Variants in PGBD2 observed in about 807,000 individuals in gnomAD.
The protein encoded by PGBD2 is piggyBac transposable element-derived protein 2.
A neutral mutation model predicts 8.1 loss-of-function variants in PGBD2; 6 were observed. That is an observed-to-expected ratio of 0.74 (90% CI 0.40 to 1.46). PGBD2 has a LOEUF of 1.46. Among genes scored for constraint, PGBD2 ranks in the 40% most tolerant of loss-of-function variants. PGBD2 has a pLI of 0.02. For missense variants in PGBD2, 802 were observed against 739.0 expected (o/e 1.09, Z -0.99); for synonymous variants, 318 against 272.2 (o/e 1.17, Z -1.66).
rs1207581125 is a variant in PGBD2 at position 248,919,104 on chromosome 1, G to C, written c.*741G>C. On this transcript the variant is annotated 3_prime_UTR_variant, in exon 3 of 3. Transcript: ENST00000329291. ...GTGTTTCAAACAATCCAATTATACTGTTAGTTATTTTAAAATGTGCAATTA... is the reference window on the plus strand; with the variant it reads ...GTGTTTCAAACAATCCAATTATACTCTTAGTTATTTTAAAATGTGCAATTA... The C allele has an allele frequency of 6.0e-6, 1 of 166,884 alleles. No individual in the cohort carries two copies. Among genetic ancestry groups the C allele is most frequent in the Admixed American group, 6.6e-5 (1 of 15,264 alleles). The allele number at this position is 166,884 out of a possible 1,614,324, so 10.3% of individuals were successfully genotyped here.
chr1:248,873,584 G>A, the PGBD2 span, among the ~76,000 whole-genome samples: 3 of 152,222 alleles, frequency 2.0e-5, no homozygotes, highest in African/African-American at 2.4e-5. Flanking sequence ...GCCTTTCTCA[G>A]GCATTGTCCT....
downstream of PGBD2, among the ~76,000 whole-genome samples, chr1:248,921,300 C>T (rs901481124): frequency 6.6e-6 from 1 of 152,182 alleles, no homozygotes; most frequent in African/African-American, 2.4e-5. Flanking sequence ...TTTGATCCAT[C>T]TTGAGTTGAT....
At chr1:248,928,611 A>G in the PGBD2 span, among the ~76,000 whole-genome samples, 12 of 152,208 alleles carry the variant, frequency 7.9e-5, no homozygotes, top group African/African-American at 2.9e-4. Flanking sequence ...GAGAAAAACT[A>G]ATCTGTTCTC....
Position 248,918,337 on chromosome 1 carries a change from T to G in PGBD2, c.1753T>G (p.Cys585Gly). The G allele has an allele frequency of 6.4e-7, 1 of 1,564,910 alleles. No individual in the cohort carries two copies. The highest frequency in any genetic ancestry group is 8.7e-7 in the Non-Finnish European group (1 of 1,155,988). Residue 585 changes from cysteine to glycine, a missense_variant, in exon 3 of 3, where the codon TGC becomes GGC. By Grantham distance (159) the Cys-to-Gly change is radical (BLOSUM62 -3). Transcript: ENST00000329291. ...GTGCCAGAAGGGTGTCCATGCCAAA[T>G]GCTTCAGGGAGTACCACATCCGGTG... ...EKCQKGVHAKCFREYHIR is the reference protein window; with the variant it reads ...EKCQKGVHAKGFREYHIR
downstream of PGBD2, among the ~76,000 whole-genome samples, chr1:248,920,796 C>T (rs745950794): frequency 1.3e-5 from 2 of 152,164 alleles, no homozygotes; most frequent in Non-Finnish European, 1.5e-5. Flanking sequence ...CACATCCTCT[C>T]CAGCATCTGT....
At chr1:248,904,610 C>T (rs1661588649), upstream of PGBD2, among the ~76,000 whole-genome samples, 1 of 152,200 alleles carries the variant, frequency 6.6e-6, no homozygotes, top group African/African-American at 2.4e-5. Flanking sequence ...TTTCTTTTGT[C>T]TCCAGCCATT....
chr1:248,926,449 C>T, the PGBD2 span, among the ~76,000 whole-genome samples: 1 of 152,132 alleles, frequency 6.6e-6, no homozygotes, highest in African/African-American at 2.4e-5. Flanking sequence ...CAAAATGGGC[C>T]TCCAGGAGCT....
At chr1:248,883,589 T>TTC in the PGBD2 span, among the ~76,000 whole-genome samples, 204 of 135,394 alleles carry the variant, frequency 1.5e-3, no homozygotes, top group African/African-American at 5.3e-3. Context: ...TTTTTCTTTT[T>TTC]TTTTTTTTTT....
chr1:248,913,352 C>T (rs949863460), intron 1 of PGBD2, among the ~76,000 whole-genome samples: 1 of 152,216 alleles, frequency 6.6e-6, no homozygotes, highest in African/African-American at 2.4e-5. Context: ...TGCACTTTCT[C>T]TCTGCAGCTT....
chr1:248,907,133 T>C (rs1464602377), intron 1 of PGBD2, among the ~76,000 whole-genome samples: 4 of 152,150 alleles, frequency 2.6e-5, no homozygotes, highest in Non-Finnish European at 4.4e-5. Flanking sequence ...AGGAATGCGG[T>C]AGGAGAGCAG....
upstream of PGBD2, among the ~76,000 whole-genome samples, chr1:248,904,569 C>G (rs1029168881): frequency 6.6e-6 from 1 of 152,182 alleles, no homozygotes; most frequent in Non-Finnish European, 1.5e-5. Context: ...CCTTGTTGAA[C>G]TCACCCCCTC....
At chr1:248,904,183 C>A (rs1661580363), upstream of PGBD2, among the ~76,000 whole-genome samples, 1 of 151,756 alleles carries the variant, frequency 6.6e-6, no homozygotes, top group South Asian at 2.1e-4. Flanking sequence ...AAATATTTTC[C>A]CCAATTTTTT....
downstream of PGBD2, among the ~76,000 whole-genome samples, chr1:248,924,898 C>T (rs1347853740): frequency 6.6e-6 from 1 of 152,170 alleles, no homozygotes; most frequent in African/African-American, 2.4e-5. Context: ...AAATGGGTGT[C>T]TCTGCCCTCT....
At chr1:248,877,371 A>G in the PGBD2 span, among the ~76,000 whole-genome samples, 1 of 152,336 alleles carries the variant, frequency 6.6e-6, no homozygotes, top group South Asian at 2.1e-4. Context: ...GCCGTGGCTC[A>G]CTGCAGCCTT....
downstream of PGBD2, among the ~76,000 whole-genome samples, chr1:248,924,010 C>T (rs1458669094): frequency 6.6e-6 from 1 of 152,196 alleles, no homozygotes; most frequent in African/African-American, 2.4e-5. Flanking sequence ...CCAAGGTAAG[C>T]CGTGGAGCTT....
chr1:248,904,475 C>T (rs534585162), upstream of PGBD2, among the ~76,000 whole-genome samples: 11 of 152,212 alleles, frequency 7.2e-5, no homozygotes, highest in Non-Finnish European at 1.5e-4. Context: ...CTTTAAATTA[C>T]ATATGCAAGT....
At chr1:248,921,925 G>A (rs568299049), downstream of PGBD2, among the ~76,000 whole-genome samples, 29 of 152,146 alleles carry the variant, frequency 1.9e-4, no homozygotes, top group Non-Finnish European at 4.0e-4. Context: ...CTCATGATTC[G>A]GCTGTTTGTG....
chr1:248,900,097 CAAA>C, the PGBD2 span, among the ~76,000 whole-genome samples: 170 of 49,464 alleles, frequency 3.4e-3, no homozygotes, highest in African/African-American at 7.5e-3. Context: ...AATAGCCTAC[CAAA>C]AAAAAAAAAA....
downstream of PGBD2, among the ~76,000 whole-genome samples, chr1:248,920,972 C>T (rs1285975380): frequency 6.7e-6 from 1 of 150,280 alleles, no homozygotes; most frequent in African/African-American, 2.5e-5. Context: ...ATATTCTTTG[C>T]CTACTTTTTG....
Sources: gnomAD v4.1 joint callset for allele counts (sites outside exome capture counted in the v4.1 genomes callset) on GRCh38, gnomAD v4.1.1 for gene constraint, MANE v1.5 for transcripts, NCBI Gene and HGNC (gene_info 2026-07-23, HGNC 2026-07-21) for gene names.